PALLD: variants seen among roughly 807,000 people sequenced by gnomAD.
The protein encoded by PALLD is palladin.
PALLD carries 61 observed loss-of-function variants against 123.5 expected under a neutral mutation model. The ratio of observed to expected loss-of-function variants is 0.49; its 90% CI spans 0.40 to 0.61. The LOEUF is 0.61. Among genes scored for constraint, PALLD ranks in the 20% least tolerant of loss-of-function variants. The pLI is 0.00. For synonymous variants in PALLD, 465 were observed against 496.4 expected (o/e 0.94, Z 0.84); for missense variants, 1,273 against 1,377.0 (o/e 0.92, Z 1.20).
chr4:168,593,967 G>T (rs116517546), intron 2 of PALLD, among the ~76,000 whole-genome samples: 2 of 152,148 alleles, frequency 1.3e-5, no homozygotes, highest in African/African-American at 4.8e-5. Context: ...GTTTATTGGA[G>T]GCTTATAGAA....
chr4:168,834,869 TTTTGC>T (rs1744897703), intron 10 of PALLD, among the ~76,000 whole-genome samples: 1 of 149,850 alleles, frequency 6.7e-6, no homozygotes, highest in East Asian at 2.6e-4. Context: ...GTAGTTGCAT[TTTTGC>T]ATTTTTGCAA....
intron 2 of PALLD, among the ~76,000 whole-genome samples, chr4:168,571,905 G>A (rs1769027043): frequency 1.3e-5 from 2 of 152,116 alleles, no homozygotes; most frequent in South Asian, 4.1e-4. Context: ...AATTATCAGT[G>A]CCAGGCCTGA....
At chr4:168,894,736 T>C in intron 12 of PALLD, 59 bp downstream of exon 12, 2 of 1,578,316 alleles carry the variant, frequency 1.3e-6, no homozygotes, top group Non-Finnish European at 1.7e-6. Context: ...TTTTCCATCT[T>C]CCTTATGGAT....
At chr4:168,639,619 C>G (rs1450460917) in intron 2 of PALLD, among the ~76,000 whole-genome samples, 2 of 151,278 alleles carry the variant, frequency 1.3e-5, no homozygotes, top group Non-Finnish European at 2.9e-5. Flanking sequence ...TCTTGGCTCA[C>G]TGCAAGCTCC....
intron 10 of PALLD, among the ~76,000 whole-genome samples, chr4:168,736,947 G>T (rs1407148712): frequency 6.6e-6 from 1 of 152,188 alleles, no homozygotes; most frequent in African/African-American, 2.4e-5. Flanking sequence ...TAGGAAACGA[G>T]AAGCTTAACG....
chr4:168,561,451 T>A (rs1190418533), intron 2 of PALLD, among the ~76,000 whole-genome samples: 1 of 152,112 alleles, frequency 6.6e-6, no homozygotes, highest in Non-Finnish European at 1.5e-5. Context: ...TTTTAAATTT[T>A]TTTTTGGAAA....
intron 10 of PALLD, among the ~76,000 whole-genome samples, chr4:168,868,515 G>A (rs1750647700): frequency 1.3e-5 from 2 of 152,144 alleles, no homozygotes; most frequent in South Asian, 2.1e-4. Context: ...TCTCCTTCCA[G>A]AAATAAAGCA....
At chr4:168,596,839 A>G (rs1022129337) in intron 2 of PALLD, among the ~76,000 whole-genome samples, 3 of 152,140 alleles carry the variant, frequency 2.0e-5, no homozygotes, top group African/African-American at 4.8e-5. Context: ...CTAGGTTTTT[A>G]TGTTTCTTAA....
chr4:168,758,919 A>G (rs536098512), intron 10 of PALLD, among the ~76,000 whole-genome samples: 15 of 151,962 alleles, frequency 9.9e-5, no homozygotes, highest in Admixed American at 8.5e-4. Context: ...TCATGCCTGT[A>G]ATCCCAGCAC....
At chr4:168,774,013 C>G (rs894937655) in intron 10 of PALLD, among the ~76,000 whole-genome samples, 1 of 151,368 alleles carries the variant, frequency 6.6e-6, no homozygotes, top group Admixed American at 6.6e-5. Flanking sequence ...ATGTGCCTAT[C>G]ATAAGCTGAG....
intron 10 of PALLD, among the ~76,000 whole-genome samples, chr4:168,787,029 A>G (rs1175550173): frequency 2.0e-5 from 3 of 152,128 alleles, no homozygotes; most frequent in East Asian, 1.9e-4. Context: ...CTTACCTTCT[A>G]TCCATCTGTC....
intron 3 of PALLD, among the ~76,000 whole-genome samples, chr4:168,670,779 A>C (rs13129498): frequency 5.1e-5 from 7 of 137,420 alleles, no homozygotes; most frequent in East Asian, 4.0e-4. Flanking sequence ...AAAAAACAAA[A>C]AAAAAAAAAC....
At chr4:168,916,176 C>G (rs897773656) in intron 17 of PALLD, 149 bp downstream of exon 17, 11 of 809,938 alleles carry the variant, frequency 1.4e-5, no homozygotes, top group Non-Finnish European at 2.1e-5. Context: ...ACTTTAGAGT[C>G]CAAAGCCGGG....
chr4:168,545,123 C>T (rs1228699424), intron 2 of PALLD, among the ~76,000 whole-genome samples: 3 of 152,140 alleles, frequency 2.0e-5, no homozygotes, highest in Admixed American at 1.3e-4. Context: ...TCCTCATGAG[C>T]TTTTTATTTT....
chr4:168,926,495 TA>T lies in PALLD; in HGVS notation c.*325del, dbSNP rs796761323. The T allele has an allele frequency of 0.86, 521,537 of 606,540 alleles. 224,817 individuals are homozygous for T. The highest frequency in any genetic ancestry group is 1 in the East Asian group (32,722 of 32,868). 37.6% of individuals were successfully genotyped at this position (606,540 alleles called of 1,614,324 possible). The stretch of plus-strand genomic sequence containing the variant: ...AAACATACCTTTGACTATAAGAAAT[TA>T]AAAAAAAAACACCAAAATAATATTT... On this transcript the variant is annotated 3_prime_UTR_variant, in exon 22 of 22. Coordinates refer to ENST00000505667, the MANE Select transcript of PALLD (RefSeq NM_001166108.2).
intron 8 of PALLD, among the ~76,000 whole-genome samples, chr4:168,693,703 A>C (rs1311763909): frequency 6.6e-6 from 1 of 152,168 alleles, no homozygotes; most frequent in Non-Finnish European, 1.5e-5. Flanking sequence ...TATAGTCAGG[A>C]GCTATTAAAA....
rs868246515 is a variant in PALLD, at chr4:168,745,434, G to T, written c.1964+33511G>T. On this transcript the variant is annotated intron_variant, in intron 10 of 21. Transcript: ENST00000505667. ...TAGAGTCTGTGAGATGGGAGGGGGG[G>T]GCAAATAATGATTCATTCTCTTAAA... is the stretch of plus-strand genomic sequence containing the variant. Among the ~76,000 whole-genome samples, 660 of 133,408 alleles carry T rather than the reference G, an allele frequency of 4.9e-3. 12 individuals carry two copies. Among genetic ancestry groups the T allele is most frequent in the African/African-American group, 0.016 (608 of 36,878 alleles). The allele number at this position is 133,408 out of a possible 152,430, so 87.5% of individuals were successfully genotyped here.
intron 2 of PALLD, among the ~76,000 whole-genome samples, chr4:168,643,952 G>A (rs1777195736): frequency 6.6e-6 from 1 of 152,048 alleles, no homozygotes; most frequent in South Asian, 2.1e-4. Context: ...TACTAACCCT[G>A]GTGTGCTGAC....
chr4:168,841,982 G>C (rs958945221), intron 10 of PALLD, among the ~76,000 whole-genome samples: 9 of 152,212 alleles, frequency 5.9e-5, no homozygotes, highest in African/African-American at 2.2e-4. Context: ...GAGTAATCCA[G>C]CTCCACTGTT....
Sources: allele counts gnomAD v4.1 joint callset (sites outside exome capture counted in the v4.1 genomes callset), GRCh38; gene constraint gnomAD v4.1.1; transcripts MANE v1.5; gene names NCBI Gene and HGNC (gene_info 2026-07-23, HGNC 2026-07-21).